The following PRSS23 variants were observed in gnomAD, a reference collection of about 807,000 sequenced individuals.
PRSS23 encodes serine protease 23.
PRSS23 carries 25 observed loss-of-function variants against 34.7 expected under a neutral mutation model. The ratio of observed to expected loss-of-function variants is 0.72; its 90% CI spans 0.53 to 1.01. PRSS23 has a LOEUF of 1.01. PRSS23 is among the 50% of genes least tolerant of loss of function. The probability of loss-of-function intolerance (pLI) is 0.00; values close to 1 mark genes in which losing one functional copy is unlikely to be tolerated. For synonymous variants in PRSS23, 176 were observed against 186.6 expected (o/e 0.94, Z 0.46); for missense variants, 445 against 475.6 (o/e 0.94, Z 0.60).
rs140802880 is a variant in PRSS23, at chr11:86,865,858, C to G, written c.206+42265C>G. On this transcript the variant is annotated intron_variant, in intron 2 of 2. Transcript: ENST00000533902. The stretch of plus-strand genomic sequence containing the variant: ...CCCTGCATGAAACAAATGGAAAAAG[C>G]CAACAGCTTACACAAAGTCCTTTGA... Among the ~76,000 whole-genome samples, 293 of 152,302 alleles carry G rather than the reference C, an allele frequency of 1.9e-3. 5 individuals carry two copies. Among genetic ancestry groups the G allele is most frequent in the African/African-American group, 6.7e-3 (279 of 41,546 alleles).
At chr11:86,854,914 C>T (rs1472400331) in intron 2 of PRSS23, among the ~76,000 whole-genome samples, 1 of 152,116 alleles carries the variant, frequency 6.6e-6, no homozygotes, top group East Asian at 1.9e-4. Context: ...CGCCTGTAAT[C>T]CCAGCACTTT....
chr11:86,812,977 TTTA>T (rs1948190709), downstream of PRSS23, among the ~76,000 whole-genome samples: 1 of 152,000 alleles, frequency 6.6e-6, no homozygotes, highest in Admixed American at 6.6e-5. Flanking sequence ...TCCTATATGA[TTTA>T]AAGATCCTCC....
Position 86,849,300 on chromosome 11 carries a change from C to T in PRSS23, c.206+25707C>T, listed in dbSNP as rs189938221. Among the ~76,000 whole-genome samples, 344 of 152,324 alleles carry T rather than the reference C, an allele frequency of 2.3e-3. 3 individuals are homozygous for T. The highest frequency in any genetic ancestry group is 7.8e-3 in the African/African-American group (324 of 41,586). ...AGCTGCAATTGGGAGACTTTGCTCT[C>T]TTCACATGCCTTTCTTGTTACGCCC... On this transcript the variant is annotated intron_variant, in intron 2 of 2. Transcript: ENST00000533902.
chr11:86,809,366 A>G lies in PRSS23; in HGVS notation c.*571A>G, dbSNP rs1948151277. ...ATTTGCATGGTAGTCTTTGAACAGT[A>G]AAATGATGTGTTGACTATACTGATA... On this transcript the variant is annotated 3_prime_UTR_variant, in exon 2 of 2. Transcript: ENST00000280258. 6.0e-6 allele frequency: 1 copy of G among 167,448 alleles called. No individual in the cohort carries two copies. Among genetic ancestry groups the G allele is most frequent in the Non-Finnish European group, 1.5e-5 (1 of 68,390 alleles). The allele number at this position is 167,448 out of a possible 1,614,324, so 10.4% of individuals were successfully genotyped here.
exon 3 of PRSS23, chr11:86,952,798 C>A: frequency 5.2e-6 from 1 of 191,022 alleles, no homozygotes; most frequent in Non-Finnish European, 1.1e-5. Context: ...CTTTCAATCT[C>A]CTTCCATTTT....
upstream of PRSS23, among the ~76,000 whole-genome samples, chr11:86,796,023 G>A (rs1302256882): frequency 6.6e-6 from 1 of 152,136 alleles, no homozygotes; most frequent in Admixed American, 6.5e-5. Flanking sequence ...GTCCCATCTT[G>A]TTTCCTGCTT....
At chr11:86,860,824 C>A (rs1445542116) in intron 2 of PRSS23, among the ~76,000 whole-genome samples, 1 of 151,664 alleles carries the variant, frequency 6.6e-6, no homozygotes, top group East Asian at 1.9e-4. Context: ...TGTACGTCAC[C>A]CTGTGATATT....
At chr11:86,932,267 T>G (rs1474301353) in intron 2 of PRSS23, among the ~76,000 whole-genome samples, 1 of 152,220 alleles carries the variant, frequency 6.6e-6, no homozygotes, top group Non-Finnish European at 1.5e-5. Context: ...CGTTTTCTAC[T>G]GAAAATTAGG....
At chr11:86,909,449 T>C (rs1276393519) in intron 2 of PRSS23, 2 of 152,228 alleles carry the variant, frequency 1.3e-5, no homozygotes, top group African/African-American at 2.4e-5. Context: ...CGCACATCAA[T>C]TGAAGCCACC....
intron 2 of PRSS23, chr11:86,949,481 C>A (rs1467905218): frequency 1.3e-5 from 2 of 150,880 alleles, no homozygotes; most frequent in South Asian, 2.1e-4. Context: ...AATGTCATTG[C>A]AAAGCAGTTG....
At chr11:86,923,156 C>CTCTG (rs1949057899) in intron 2 of PRSS23, among the ~76,000 whole-genome samples, 1 of 137,532 alleles carries the variant, frequency 7.3e-6, no homozygotes, top group Non-Finnish European at 1.5e-5. Flanking sequence ...GAGACGGGGT[C>CTCTG]TCTGTCGCCC....
chr11:86,836,020 G>A (rs1173179711), intron 2 of PRSS23, among the ~76,000 whole-genome samples: 6 of 152,138 alleles, frequency 3.9e-5, no homozygotes, highest in African/African-American at 9.7e-5. Context: ...TTCTTCAAAG[G>A]CAAACAAGAA....
chr11:86,898,108 T>G (rs781018947), intron 2 of PRSS23, among the ~76,000 whole-genome samples: 24 of 152,232 alleles, frequency 1.6e-4, no homozygotes, highest in Non-Finnish European at 4.4e-5. Flanking sequence ...AATTGGAGGC[T>G]CATCTTACAC....
At chr11:86,890,974 C>T (rs989102580) in intron 2 of PRSS23, among the ~76,000 whole-genome samples, 2 of 152,178 alleles carry the variant, frequency 1.3e-5, no homozygotes, top group African/African-American at 4.8e-5. Flanking sequence ...TATAGTTTGC[C>T]ATCTTCAAAA....
chr11:86,848,290 AG>A (rs1258400504), intron 2 of PRSS23, among the ~76,000 whole-genome samples: 2 of 152,264 alleles, frequency 1.3e-5, no homozygotes, highest in African/African-American at 4.8e-5. Context: ...CTTTAGCAGC[AG>A]CCCAGCAATT....
At chr11:86,834,565 TTCCTTTCCTTTCC>T (rs1948389648) in intron 2 of PRSS23, among the ~76,000 whole-genome samples, 1 of 113,256 alleles carries the variant, frequency 8.8e-6, no homozygotes, top group African/African-American at 4.0e-5. Context: ...TTCCTTTCCT[TTCCTTTCCTTTCC>T]TTTCCTTTCC....
intron 2 of PRSS23, among the ~76,000 whole-genome samples, chr11:86,852,221 G>A (rs1948535646): frequency 6.6e-6 from 1 of 152,170 alleles, no homozygotes; most frequent in Non-Finnish European, 1.5e-5. Context: ...GGTGAGACAT[G>A]AGCCTCCTGA....
chr11:86,812,379 G>T (rs1261487054), downstream of PRSS23, among the ~76,000 whole-genome samples: 1 of 152,122 alleles, frequency 6.6e-6, no homozygotes, highest in Non-Finnish European at 1.5e-5. Context: ...GATGGGGTGG[G>T]GTCATCGTAC....
intron 1 of PRSS23, among the ~76,000 whole-genome samples, chr11:86,820,550 T>C (rs1201715026): frequency 6.6e-6 from 1 of 152,200 alleles, no homozygotes; most frequent in Non-Finnish European, 1.5e-5. Flanking sequence ...TGTTATACTT[T>C]ATGTAGCACA....
Sources: allele counts gnomAD v4.1 joint callset (sites outside exome capture counted in the v4.1 genomes callset), GRCh38; gene constraint gnomAD v4.1.1; transcripts MANE v1.5; gene names NCBI Gene and HGNC (gene_info 2026-07-23, HGNC 2026-07-21).